Variants in MARCHF7 observed in about 807,000 individuals in gnomAD.
The protein encoded by MARCHF7 is membrane associated ring-CH-type finger 7, also known as E3 ubiquitin-protein ligase MARCHF7.
MARCHF7 carries 20 observed loss-of-function variants against 76.5 expected under a neutral mutation model. That is an observed-to-expected ratio of 0.26 (90% CI 0.18 to 0.38). The LOEUF (loss-of-function observed/expected upper bound fraction) is 0.38. Among genes scored for constraint, MARCHF7 ranks in the 10% least tolerant of loss-of-function variants. The pLI is 1.00. For missense variants in MARCHF7, 797 were observed against 812.9 expected (o/e 0.98, Z 0.24); for synonymous variants, 295 against 293.0 (o/e 1.01, Z -0.07).
At chr2:159,739,659 G>GA (rs1009183272) in intron 4 of MARCHF7, among the ~76,000 whole-genome samples, 2 of 152,040 alleles carry the variant, frequency 1.3e-5, no homozygotes, top group East Asian at 1.9e-4. Flanking sequence ...AATTCCGAGG[G>GA]AAAAAAACAA....
At chr2:159,733,516 G>C (rs914956485) in intron 4 of MARCHF7, 1 of 982,074 alleles carries the variant, frequency 1.0e-6, no homozygotes, top group Non-Finnish European at 1.2e-6. Context: ...GGGATTACAG[G>C]CATGAGCTAC....
At chr2:159,743,774 G>T (rs1217409251) in intron 5 of MARCHF7, among the ~76,000 whole-genome samples, 2 of 151,196 alleles carry the variant, frequency 1.3e-5, no homozygotes, top group Admixed American at 1.3e-4. Context: ...GGGCATGGTG[G>T]TGCATGCCTG....
chr2:159,735,364 A>G (rs1703329740), intron 4 of MARCHF7, among the ~76,000 whole-genome samples: 2 of 152,226 alleles, frequency 1.3e-5, no homozygotes, highest in South Asian at 2.1e-4. Context: ...TTTTTAAGAA[A>G]TGACTTTATT....
chr2:159,729,013 A>G lies in MARCHF7; in HGVS notation c.-10A>G. On this transcript the variant is annotated 5_prime_UTR_variant, in exon 4 of 12. Coordinates refer to ENST00000409175, the MANE Select transcript of MARCHF7 (RefSeq NM_001282805.2). ...ATGAAAATTTTTATTTCACAGAAAA[A>G]TCTTTAAGAATGGAGTCTAAACCTT... is the stretch of plus-strand genomic sequence containing the variant. The G allele has an allele frequency of 6.5e-7, 1 of 1,544,224 alleles. No homozygotes were observed. The highest frequency in any genetic ancestry group is 8.7e-7 in the Non-Finnish European group (1 of 1,150,674).
chr2:159,743,153 C>G lies in MARCHF7; in HGVS notation c.246C>G (p.Asn82Lys). 2 of 1,614,164 alleles carry G rather than the reference C, an allele frequency of 1.2e-6. No homozygotes were observed. Among genetic ancestry groups the G allele is most frequent in the African/African-American group, 1.3e-5 (1 of 75,036 alleles). ...AGGGAGCACGCTCAAGATCGCAGAACCAGCAACGGGATCATGATTCAAAAA... is the reference window on the plus strand; with the variant it reads ...AGGGAGCACGCTCAAGATCGCAGAAGCAGCAACGGGATCATGATTCAAAAA... ...ITQGARSRSQ[N>K]QQRDHDSKRP... The change falls in exon 5 of 12, where the codon AAC (asparagine) becomes AAG (lysine). Residue 82 changes from asparagine to lysine, a missense_variant. By Grantham distance (94) the Asn-to-Lys change is moderately conservative. Transcript: ENST00000409175.
intron 3 of MARCHF7, among the ~76,000 whole-genome samples, chr2:159,719,806 AAACAG>A (rs1701431476): frequency 6.6e-6 from 1 of 152,070 alleles, no homozygotes; most frequent in South Asian, 2.1e-4. Flanking sequence ...GCTAAACTAA[AAACAG>A]AACAGATTAG....
chr2:159,714,977 T>C (rs1348896188), intron 2 of MARCHF7, among the ~76,000 whole-genome samples: 2 of 152,194 alleles, frequency 1.3e-5, no homozygotes, highest in African/African-American at 4.8e-5. Context: ...GCTATTGTGT[T>C]CCTTAACAAA....
At chr2:159,756,729 T>C (rs529163131) in intron 8 of MARCHF7, among the ~76,000 whole-genome samples, 2 of 148,320 alleles carry the variant, frequency 1.3e-5, no homozygotes, top group East Asian at 3.9e-4. Context: ...TGATTCAGAT[T>C]CACTCTTAAA....
intron 3 of MARCHF7, among the ~76,000 whole-genome samples, chr2:159,718,957 C>T (rs866944997): frequency 1.3e-5 from 2 of 152,056 alleles, no homozygotes; most frequent in African/African-American, 2.4e-5. Flanking sequence ...GTATTTCCAG[C>T]GTTCTCCTGG....
chr2:159,724,294 A>G (rs920089040), intron 3 of MARCHF7, among the ~76,000 whole-genome samples: 1 of 152,152 alleles, frequency 6.6e-6, no homozygotes, highest in Admixed American at 6.6e-5. Flanking sequence ...AGTAACTTAT[A>G]GGATCTTCCC....
At chr2:159,716,630 G>A (rs963973421) in intron 3 of MARCHF7, among the ~76,000 whole-genome samples, 1 of 142,892 alleles carries the variant, frequency 7.0e-6, no homozygotes, top group Non-Finnish European at 1.5e-5. Context: ...GCAGCAGAGT[G>A]AGACCCTGTC....
intron 9 of MARCHF7, 128 bp from the exon 10 acceptor site, chr2:159,762,752 C>G: frequency 2.4e-6 from 1 of 421,772 alleles, no homozygotes; most frequent in East Asian, 3.6e-5. Flanking sequence ...GGCATTGTGT[C>G]CCTTATTAGG....
At chr2:159,726,081 C>G (rs1384914155) in intron 3 of MARCHF7, among the ~76,000 whole-genome samples, 1 of 151,954 alleles carries the variant, frequency 6.6e-6, no homozygotes, top group Admixed American at 6.6e-5. Flanking sequence ...TATTGCATGT[C>G]GTGTGTGGGA....
intron 10 of MARCHF7, among the ~76,000 whole-genome samples, chr2:159,764,304 G>GT (rs1440496824): frequency 6.7e-6 from 1 of 149,836 alleles, no homozygotes; most frequent in Admixed American, 6.7e-5. Flanking sequence ...TACAAGGGTG[G>GT]TTTTTTGTTT....
chr2:159,764,469 G>A (rs902614417), intron 10 of MARCHF7, among the ~76,000 whole-genome samples, 157 bp from the exon 11 acceptor site: 1 of 152,016 alleles, frequency 6.6e-6, no homozygotes, highest in Non-Finnish European at 1.5e-5. Context: ...ATGCCATTAA[G>A]CTTGTGATTT....
intron 10 of MARCHF7, among the ~76,000 whole-genome samples, chr2:159,764,157 T>A (rs1707433015): frequency 6.6e-6 from 1 of 152,060 alleles, no homozygotes; most frequent in Non-Finnish European, 1.5e-5. Context: ...TTTTAATGTA[T>A]AGAACTGTAT....
intron 6 of MARCHF7, among the ~76,000 whole-genome samples, chr2:159,747,512 A>G (rs1324139703): frequency 6.6e-6 from 1 of 152,122 alleles, no homozygotes; most frequent in African/African-American, 2.4e-5. Flanking sequence ...ATAATTTCTG[A>G]TCAATAAATT....
chr2:159,764,263 C>CGCGCG (rs1553788093), intron 10 of MARCHF7, among the ~76,000 whole-genome samples: 3 of 142,308 alleles, frequency 2.1e-5, no homozygotes, highest in Admixed American at 7.1e-5. Flanking sequence ...TGTGCGCGCG[C>CGCGCG]CCACTGAAAC....
chr2:159,716,742 A>G (rs914882131), intron 3 of MARCHF7, among the ~76,000 whole-genome samples: 3 of 152,244 alleles, frequency 2.0e-5, no homozygotes, highest in Non-Finnish European at 1.5e-5. Flanking sequence ...TTAGTAATTC[A>G]GTACCTGTAA....
Sources: gnomAD v4.1 joint callset for allele counts (sites outside exome capture counted in the v4.1 genomes callset) on GRCh38, gnomAD v4.1.1 for gene constraint, MANE v1.5 for transcripts, NCBI Gene and HGNC (gene_info 2026-07-23, HGNC 2026-07-21) for gene names.